The following ATP9B variants were observed in gnomAD, a reference collection of about 807,000 sequenced individuals.
ATP9B encodes the protein ATPase phospholipid transporting 9B.
Under a neutral mutation model 146.1 loss-of-function variants are expected in ATP9B, and 110 were observed. The ratio of observed to expected loss-of-function variants is 0.75; its 90% CI spans 0.65 to 0.88. ATP9B has a LOEUF of 0.88. Among genes scored for constraint, ATP9B ranks in the 40% least tolerant of loss-of-function variants. The pLI is 0.00. For missense variants in ATP9B, 1,499 were observed against 1,496.4 expected (o/e 1.00, Z -0.03); for synonymous variants, 604 against 569.7 (o/e 1.06, Z -0.86).
At chr18:79,087,343 C>G (rs924919167) in intron 1 of ATP9B, 1 of 152,226 alleles carries the variant, frequency 6.6e-6, no homozygotes, top group Non-Finnish European at 1.5e-5. Context: ...ACATTTCAAC[C>G]GTAGCACCAT....
intron 13 of ATP9B, among the ~76,000 whole-genome samples, chr18:79,282,216 G>A (rs551925344): frequency 6.6e-6 from 1 of 152,326 alleles, no homozygotes; most frequent in East Asian, 1.9e-4. Flanking sequence ...AAGATGCTAT[G>A]AATGTTGTTG....
chr18:79,290,342 T>G (rs370236421), intron 13 of ATP9B, among the ~76,000 whole-genome samples: 1 of 152,110 alleles, frequency 6.6e-6, no homozygotes, highest in African/African-American at 2.4e-5. Context: ...CCCCCAGCCT[T>G]GCTGCCGCCT....
chr18:79,200,234 T>G (rs1321455546), intron 9 of ATP9B, among the ~76,000 whole-genome samples: 2 of 152,222 alleles, frequency 1.3e-5, no homozygotes, highest in Non-Finnish European at 1.5e-5. Flanking sequence ...TGTTATACTT[T>G]GATGGGGCTA....
chr18:79,359,604 T>C (rs2096975385), intron 26 of ATP9B, 142 bp downstream of exon 26: 2 of 678,384 alleles, frequency 2.9e-6, no homozygotes, highest in South Asian at 3.3e-5. Flanking sequence ...GTTTTTTATG[T>C]CTCCTAATTG....
At position 79,118,470 on chromosome 18, in the gene ATP9B, G is replaced by A. The variant is rs548046071; in HGVS notation, c.558+5116G>A. Among the ~76,000 whole-genome samples the A allele has an allele frequency of 8.3e-5, 11 of 132,998 alleles. No homozygotes were observed. In the East Asian group the frequency reaches 1.9e-3, roughly 23 times the overall value. 87.3% of individuals were successfully genotyped at this position (132,998 alleles called of 152,430 possible). A position where few individuals can be genotyped will look rare whatever the true frequency, so the allele number is the denominator to read the frequency against. ...GGCTGGAGTGCAGTGGCGCGATCTC[G>A]GCTCACTGCAAGCTCCGCCTCCCGG... On this transcript the variant is annotated intron_variant, in intron 4 of 29. Coordinates refer to ENST00000426216, the MANE Select transcript of ATP9B (RefSeq NM_198531.5).
chr18:79,309,573 GC>G (rs2096640821), intron 15 of ATP9B, among the ~76,000 whole-genome samples: 2 of 116,098 alleles, frequency 1.7e-5, no homozygotes, highest in East Asian at 4.9e-4. Context: ...AAGGTCAGGG[GC>G]TGAGGAGTGA....
At chr18:79,201,952 G>T (rs560044328) in intron 9 of ATP9B, among the ~76,000 whole-genome samples, 1 of 152,124 alleles carries the variant, frequency 6.6e-6, no homozygotes, top group Non-Finnish European at 1.5e-5. Context: ...TGTGGGAGGC[G>T]GATGTGGGAG....
intron 8 of ATP9B, among the ~76,000 whole-genome samples, chr18:79,189,864 C>T (rs1194419231): frequency 6.6e-6 from 1 of 152,138 alleles, no homozygotes; most frequent in Non-Finnish European, 1.5e-5. Context: ...TCTTATTGGT[C>T]CCGTGGTATT....
chr18:79,327,266 G>T (rs1164810497), intron 15 of ATP9B, among the ~76,000 whole-genome samples: 3 of 152,252 alleles, frequency 2.0e-5, no homozygotes, highest in Admixed American at 6.5e-5. Context: ...CATCGGAAGA[G>T]GTGGGTGAGA....
At chr18:79,144,932 G>T in intron 6 of ATP9B, 1 of 211,908 alleles carries the variant, frequency 4.7e-6, no homozygotes, top group Non-Finnish European at 9.6e-6. Flanking sequence ...TTAGATCAGT[G>T]TACGAAGAAG....
At chr18:79,198,039 A>G (rs1227662135) in intron 9 of ATP9B, among the ~76,000 whole-genome samples, 2 of 152,166 alleles carry the variant, frequency 1.3e-5, no homozygotes, top group Non-Finnish European at 2.9e-5. Context: ...TCAAAATCTC[A>G]TGGAACAATC....
At chr18:79,247,334 G>A (rs927993346) in intron 11 of ATP9B, among the ~76,000 whole-genome samples, 13 of 152,206 alleles carry the variant, frequency 8.5e-5, no homozygotes, top group Admixed American at 5.2e-4. Context: ...TGTGTTCAGA[G>A]ATGATGCTAC....
chr18:79,138,722 A>C (rs549933446), intron 5 of ATP9B, among the ~76,000 whole-genome samples: 1 of 152,064 alleles, frequency 6.6e-6, no homozygotes, highest in East Asian at 1.9e-4. Context: ...AGATGTAATG[A>C]TTAATTACTA....
chr18:79,351,539 A>T (rs1182349101), intron 25 of ATP9B, among the ~76,000 whole-genome samples: 2 of 152,250 alleles, frequency 1.3e-5, no homozygotes, highest in Non-Finnish European at 2.9e-5. Context: ...TTGAACAAAA[A>T]TCAACATGAT....
chr18:79,280,800 TGAGTTAGAA>T (rs2096368350), intron 13 of ATP9B, among the ~76,000 whole-genome samples: 1 of 152,180 alleles, frequency 6.6e-6, no homozygotes, highest in Non-Finnish European at 1.5e-5. Flanking sequence ...AAAAAAGAGA[TGAGTTAGAA>T]GTTAATAACA....
chr18:79,171,884 T>TGG (rs1555725034), intron 7 of ATP9B, among the ~76,000 whole-genome samples: 1 of 150,784 alleles, frequency 6.6e-6, no homozygotes, highest in East Asian at 2.0e-4. Flanking sequence ...ACTCGTTTTT[T>TGG]TTTGTTTGTT....
At chr18:79,205,639 G>A (rs1568401601) in intron 9 of ATP9B, among the ~76,000 whole-genome samples, 1 of 152,096 alleles carries the variant, frequency 6.6e-6, no homozygotes, top group Non-Finnish European at 1.5e-5. Flanking sequence ...CTCCCACACG[G>A]GACGTCTTCC....
chr18:79,109,639 C>T (rs987812287), intron 2 of ATP9B, among the ~76,000 whole-genome samples: 1 of 150,474 alleles, frequency 6.6e-6, no homozygotes. Flanking sequence ...TGTCTTGGCT[C>T]ACTGCAATCT....
Position 79,375,397 on chromosome 18 carries a change from T to C in ATP9B, c.3278T>C (p.Ile1093Thr), listed in dbSNP as rs1331147961. The C allele has an allele frequency of 3.7e-6, 6 of 1,612,368 alleles. No homozygotes were observed. Among genetic ancestry groups the C allele is most frequent in the South Asian group, 1.1e-5 (1 of 91,030 alleles). The change falls in exon 29 of 30, where the codon ATA (isoleucine) becomes ACA (threonine). Residue 1093 changes from isoleucine (I) to threonine (T), a missense_variant. Transcript: ENST00000426216. The stretch of plus-strand genomic sequence containing the variant: ...CTTTATTACTGTTTTGGAACAGGTA[T>C]AGGCAGAGTGTCTTTTGGAGCTTTC... Reference protein sequence around the residue: ...SLAFLNEYFGIGRVSFGAFLD... With the variant: ...SLAFLNEYFGTGRVSFGAFLD...
Sources: allele counts gnomAD v4.1 joint callset (sites outside exome capture counted in the v4.1 genomes callset), GRCh38; gene constraint gnomAD v4.1.1; transcripts MANE v1.5; gene names NCBI Gene and HGNC (gene_info 2026-07-23, HGNC 2026-07-21).